Variants in DMD observed in about 807,000 individuals in gnomAD.
The protein encoded by DMD is mutant dystrophin.
A neutral mutation model predicts 330.1 loss-of-function variants in DMD; 63 were observed. The ratio of observed to expected loss-of-function variants is 0.19; its 90% confidence interval spans 0.16 to 0.24. The LOEUF (loss-of-function observed/expected upper bound fraction) is 0.24, where lower values mean the gene tolerates loss of function less well. DMD is among the 10% of genes least tolerant of loss of function. The pLI is 1.00. For missense variants in DMD, 3,344 were observed against 2,684.1 expected (o/e 1.25, Z -5.43); for synonymous variants, 1,223 against 959.8 (o/e 1.27, Z -5.07).
At position 32,870,980 on chromosome X, in the gene DMD, A is replaced by AAAAAAAAAAAAAAAG. The variant is rs770375159; in HGVS notation, c.94-21161_94-21160insCTTTTTTTTTTTTTT. Among the ~76,000 whole-genome samples the AAAAAAAAAAAAAAAG allele has an allele frequency of 1.0e-3, 39 of 37,204 alleles. 3 individuals carry two copies. Among genetic ancestry groups the AAAAAAAAAAAAAAAG allele is most frequent in the African/African-American group, 1.5e-3 (16 of 10,600 alleles). The allele number at this position is 37,204 out of a possible 115,157, so 32.3% of individuals were successfully genotyped here. A position where few individuals can be genotyped will look rare whatever the true frequency, so the allele number is the denominator to read the frequency against. On this transcript the variant is annotated intron_variant, in intron 2 of 78. Transcript: ENST00000357033. ...CAGCAAAAAAAAAAAAAAAAAAAAA[A>AAAAAAAAAAAAAAAG]AAAAAAAACCACAAAACCCATCATC...
chrX:33,103,242 C>T (rs1233644271), intron 1 of DMD, among the ~76,000 whole-genome samples: 1 of 111,549 alleles, frequency 9.0e-6, no homozygotes, highest in African/African-American at 3.3e-5. Context: ...ACTTTTGGTT[C>T]TAGAGTACTT....
In DMD at chrX:32,803,088, G is replaced by T. The variant is rs749248748; in HGVS notation, c.649+6405C>A. 2.2e-3 allele frequency among the ~76,000 whole-genome samples: 248 copies of T among 111,363 alleles called. 1 individual carries two copies. Among genetic ancestry groups the T allele is most frequent in the African/African-American group, 7.7e-3 (237 of 30,662 alleles). The stretch of plus-strand genomic sequence containing the variant: ...TCTGGTAGAATTCGGCTGTGAATCT[G>T]TCTGGTCCTGGGCTTTTTTTGGTTT... On this transcript the variant is annotated intron_variant, in intron 7 of 78. Transcript: ENST00000357033.
intron 50 of DMD, among the ~76,000 whole-genome samples, chrX:31,816,794 T>TCTCACACACACACACACA (rs1556914952): frequency 0.038 from 3,233 of 85,311 alleles, 57 homozygotes; most frequent in Middle Eastern, 0.065. Context: ...CAAGATTCTG[T>TCTCACACACACACACACA]CACACACACA....
intron 18 of DMD, among the ~76,000 whole-genome samples, chrX:32,504,401 A>C (rs1450695839): frequency 9.0e-6 from 1 of 111,248 alleles, no homozygotes; most frequent in Non-Finnish European, 1.9e-5. Context: ...ACGCGGGTGG[A>C]TCACCTGAGG....
intron 44 of DMD, among the ~76,000 whole-genome samples, chrX:32,157,952 G>GAAAGAT (rs1319010440): frequency 8.9e-6 from 1 of 112,070 alleles, no homozygotes; most frequent in Non-Finnish European, 1.9e-5. Context: ...AATTAGAATT[G>GAAAGAT]AAAGATAATG....
chrX:32,752,497 TA>T lies in DMD; in HGVS notation c.650-53205del, dbSNP rs1345789931. On this transcript the variant is annotated intron_variant, in intron 7 of 78. Transcript: ENST00000357033. The stretch of plus-strand genomic sequence containing the variant: ...AACCCCACTGTATCTAGGAAGTAAC[TA>T]ATCTGCTTTTGATTTTATAGGCTCA... 4.6e-5 allele frequency among the ~76,000 whole-genome samples: 5 copies of T among 107,973 alleles called. No individual in the cohort carries two copies. The Admixed American group carries it at 5.1e-4, about 11-fold the overall frequency. 93.8% of individuals were successfully genotyped at this position (107,973 alleles called of 115,157 possible). A position where few individuals can be genotyped will look rare whatever the true frequency, so the allele number is the denominator to read the frequency against.
chrX:32,218,272 A>C (rs1167271584), intron 43 of DMD, among the ~76,000 whole-genome samples: 1 of 111,675 alleles, frequency 9.0e-6, no homozygotes, highest in Non-Finnish European at 1.9e-5. Context: ...TATTTTTCAA[A>C]GCATCCAGGT....
intron 67 of DMD, among the ~76,000 whole-genome samples, chrX:31,203,106 AC>A (rs2043668557): frequency 9.3e-6 from 1 of 107,454 alleles, no homozygotes; most frequent in Admixed American, 1.0e-4. Flanking sequence ...ACCTGGTGAA[AC>A]CCTGTCTCTA....
chrX:31,561,136 T>C (rs1441614342), intron 55 of DMD, among the ~76,000 whole-genome samples: 1 of 111,903 alleles, frequency 8.9e-6, no homozygotes, highest in Non-Finnish European at 1.9e-5. Context: ...GGATGCTAAT[T>C]ATACAAAACT....
chrX:32,261,753 G>A lies in DMD; in HGVS notation c.6290+25776C>T, dbSNP rs144726879. Among the ~76,000 whole-genome samples the A allele has an allele frequency of 5.0e-3, 557 of 111,266 alleles. 3 individuals carry two copies. The highest frequency in any genetic ancestry group is 0.017 in the African/African-American group (536 of 30,696). On this transcript the variant is annotated intron_variant, in intron 43 of 78. Transcript: ENST00000357033. ...GTTGCACTCAAGAGAGAATGTTTGC[G>A]ACTGTTTTTGGAAATTCTTCTGTGG...
At position 32,342,323 on chromosome X, in the gene DMD, A is replaced by T. The variant is rs1351631304; in HGVS notation, c.5740-41T>A. On this transcript the variant is annotated intron_variant, in intron 40 of 78. Coordinates refer to ENST00000357033, the MANE Select transcript of DMD (RefSeq NM_004006.3). ...AATACAGGGCCCAGGGCAGTTAGCTAACCACATCAACCGACTTGCAAGCAG... is the reference window on the plus strand; with the variant it reads ...AATACAGGGCCCAGGGCAGTTAGCTTACCACATCAACCGACTTGCAAGCAG... 5.1e-6 allele frequency: 6 copies of T among 1,174,409 alleles called. No individual in the cohort carries two copies. In the South Asian group the frequency reaches 1.1e-4, roughly 21 times the overall value.
intron 44 of DMD, among the ~76,000 whole-genome samples, chrX:32,133,081 T>C (rs988844031): frequency 9.8e-6 from 1 of 102,431 alleles, no homozygotes; most frequent in African/African-American, 3.7e-5. Flanking sequence ...ATCTTTTGGC[T>C]CACTGCAACC....
chrX:32,867,427 ATTT>A (rs1452398562), intron 2 of DMD, among the ~76,000 whole-genome samples: 1 of 112,132 alleles, frequency 8.9e-6, no homozygotes, highest in South Asian at 3.7e-4. Context: ...AGAGTTGACA[ATTT>A]TTTTCTTACA....
chrX:32,412,076 A>G (rs1420414324), intron 29 of DMD, 163 bp from the exon 30 acceptor site: 1 of 1,179,410 alleles, frequency 8.5e-7, no homozygotes, highest in Non-Finnish European at 1.1e-6. Flanking sequence ...GTTGATAGAA[A>G]AAAAATGTGA....
At chrX:32,635,530 T>C (rs1459226747) in intron 11 of DMD, among the ~76,000 whole-genome samples, 1 of 112,102 alleles carries the variant, frequency 8.9e-6, no homozygotes, top group Non-Finnish European at 1.9e-5. Context: ...TCATTAAATA[T>C]AGGAATCAGA....
At chrX:32,608,911 A>AT (rs1330932881) in intron 12 of DMD, among the ~76,000 whole-genome samples, 3 of 111,023 alleles carry the variant, frequency 2.7e-5, no homozygotes, top group Non-Finnish European at 5.7e-5. Flanking sequence ...ACAACATGTA[A>AT]TTTTAACCTT....
At chrX:32,478,049 T>C (rs1006218322) in intron 21 of DMD, among the ~76,000 whole-genome samples, 3 of 112,107 alleles carry the variant, frequency 2.7e-5, no homozygotes, top group Non-Finnish European at 5.6e-5. Context: ...TTCTAGAACA[T>C]TTAAAATTAA....
At chrX:31,725,748 A>T (rs954871842) in intron 52 of DMD, among the ~76,000 whole-genome samples, 16 of 112,204 alleles carry the variant, frequency 1.4e-4, no homozygotes, top group Non-Finnish European at 2.6e-4. Context: ...GGTGGGGGTT[A>T]CGGAGGGAGA....
chrX:31,512,616 C>T (rs1274110307), intron 55 of DMD, among the ~76,000 whole-genome samples: 6 of 109,129 alleles, frequency 5.5e-5, no homozygotes, highest in African/African-American at 2.0e-4. Context: ...GCTTGTTTTT[C>T]TCAGGTTTGT....
Sources: gnomAD v4.1 joint callset for allele counts (sites outside exome capture counted in the v4.1 genomes callset) on GRCh38, gnomAD v4.1.1 for gene constraint, MANE v1.5 for transcripts, NCBI Gene and HGNC (gene_info 2026-07-23, HGNC 2026-07-21) for gene names.